NRP1: variants seen among roughly 807,000 people sequenced by gnomAD.
NRP1 encodes neuropilin-1.
Under a neutral mutation model 106.7 loss-of-function variants are expected in NRP1, and 35 were observed. The observed-to-expected ratio is 0.33, with a 90% CI of 0.25 to 0.43. The LOEUF (loss-of-function observed/expected upper bound fraction) is 0.43. Among genes scored for constraint, NRP1 ranks in the 20% least tolerant of loss-of-function variants. The pLI, the probability that NRP1 is intolerant of heterozygous loss-of-function variation, is 1.00. For missense variants in NRP1, 1,024 were observed against 1,170.4 expected (o/e 0.87, Z 1.83); for synonymous variants, 437 against 417.9 (o/e 1.05, Z -0.56).
Position 33,324,958 on chromosome 10 carries a change from T to C in NRP1, c.248+5750A>G, listed in dbSNP as rs75038934. On this transcript the variant is annotated intron_variant, in intron 2 of 16. Coordinates refer to ENST00000374867, the MANE Select transcript of NRP1 (RefSeq NM_003873.7). ...TACATACAGACTTCTAAGACTCTAG[T>C]TGAGTTTTACCTGATTTTGAAATGT... Among the ~76,000 whole-genome samples the C allele has an allele frequency of 2.7e-3, 418 of 152,258 alleles. 1 individual carries two copies. The highest frequency in any genetic ancestry group is 9.6e-3 in the African/African-American group (400 of 41,568).
chr10:33,322,446 T>G (rs902290521), intron 2 of NRP1, among the ~76,000 whole-genome samples: 1 of 152,160 alleles, frequency 6.6e-6, no homozygotes, highest in Non-Finnish European at 1.5e-5. Flanking sequence ...GGCAAGATTA[T>G]AGCTCACTGT....
intron 11 of NRP1, chr10:33,202,572 G>GGT (rs1837412680): frequency 4.2e-6 from 6 of 1,412,766 alleles, no homozygotes; most frequent in Non-Finnish European, 5.6e-6. Flanking sequence ...GTTATTGGGG[G>GGT]GGGGTCTGAA....
intron 2 of NRP1, among the ~76,000 whole-genome samples, chr10:33,295,427 A>T (rs930775326): frequency 2.0e-5 from 3 of 152,206 alleles, no homozygotes; most frequent in Admixed American, 6.5e-5. Context: ...TTCTTCCCAG[A>T]CCAGGTGCAG....
intron 6 of NRP1, among the ~76,000 whole-genome samples, chr10:33,227,252 C>T (rs1839746002): frequency 6.6e-6 from 1 of 152,184 alleles, no homozygotes; most frequent in Non-Finnish European, 1.5e-5. Flanking sequence ...TAAACTCACA[C>T]AATGGATAAT....
chr10:33,259,527 C>T (rs1453131117), intron 4 of NRP1, among the ~76,000 whole-genome samples: 3 of 151,896 alleles, frequency 2.0e-5, no homozygotes, highest in South Asian at 2.1e-4. Context: ...TGGACCGAAG[C>T]GCCGAGGAGA....
Position 33,247,203 on chromosome 10 carries a change from A to G in NRP1, c.981+6825T>C, listed in dbSNP as rs1841489238. Among the ~76,000 whole-genome samples the G allele has an allele frequency of 7.2e-5, 11 of 152,344 alleles. No individual in the cohort carries two copies. In the South Asian group the frequency reaches 2.3e-3, roughly 32 times the overall value. On this transcript the variant is annotated intron_variant, in intron 6 of 16. Coordinates refer to ENST00000374867, the MANE Select transcript of NRP1 (RefSeq NM_003873.7). ...ACAAATTCTTCAAATTGAATATGTC[A>G]GCACTCACTCATCCCACCTGAAATG...
chr10:33,265,165 C>T (rs1490500090), intron 3 of NRP1, among the ~76,000 whole-genome samples: 3 of 152,180 alleles, frequency 2.0e-5, no homozygotes, highest in East Asian at 1.9e-4. Context: ...CCCAAAACTG[C>T]CTTCTCTACC....
At chr10:33,181,095 G>T (rs12771906) in intron 16 of NRP1, among the ~76,000 whole-genome samples, 44,713 of 152,058 alleles carry the variant, frequency 0.29, 7,000 homozygotes, top group East Asian at 0.65. Context: ...CAGTCACTGG[G>T]GACTTGTTTT....
chr10:33,330,227 G>C (rs117796008), intron 2 of NRP1, among the ~76,000 whole-genome samples: 58 of 152,158 alleles, frequency 3.8e-4, no homozygotes, highest in Admixed American at 8.5e-4. Flanking sequence ...AACTTACTTA[G>C]TAAGATGAAT....
chr10:33,293,183 T>A (rs1845127732), intron 2 of NRP1, among the ~76,000 whole-genome samples: 1 of 152,240 alleles, frequency 6.6e-6, no homozygotes, highest in Admixed American at 6.5e-5. Context: ...TTTTTTCAGA[T>A]GAGGTAAGAA....
At chr10:33,280,062 C>A (rs1018877427) in intron 2 of NRP1, among the ~76,000 whole-genome samples, 6 of 152,032 alleles carry the variant, frequency 3.9e-5, no homozygotes, top group Admixed American at 3.9e-4. Context: ...CAGCTTAACT[C>A]AAAAATAAAT....
chr10:33,288,059 G>C (rs1390227576), intron 2 of NRP1, among the ~76,000 whole-genome samples: 1 of 152,128 alleles, frequency 6.6e-6, no homozygotes, highest in Non-Finnish European at 1.5e-5. Flanking sequence ...TTTGGTTAAA[G>C]TGAACTTTGA....
chr10:33,272,252 T>A (rs1386777265), intron 2 of NRP1, among the ~76,000 whole-genome samples: 1 of 152,250 alleles, frequency 6.6e-6, no homozygotes, highest in Non-Finnish European at 1.5e-5. Context: ...TAAAACTGTG[T>A]GCCAGCTTTG....
chr10:33,220,933 A>C (rs1839196944), intron 8 of NRP1, among the ~76,000 whole-genome samples: 1 of 151,308 alleles, frequency 6.6e-6, no homozygotes, highest in African/African-American at 2.4e-5. Flanking sequence ...AGAAAAACAA[A>C]TAAAAAGATA....
intron 12 of NRP1, among the ~76,000 whole-genome samples, chr10:33,197,049 C>T (rs1019257823): frequency 7.9e-5 from 12 of 152,142 alleles, no homozygotes; most frequent in East Asian, 1.9e-4. Context: ...GGAAGGCCAC[C>T]GTTTAACCGT....
At chr10:33,264,684 A>T (rs1347622214) in intron 3 of NRP1, among the ~76,000 whole-genome samples, 1 of 152,188 alleles carries the variant, frequency 6.6e-6, no homozygotes, top group Non-Finnish European at 1.5e-5. Context: ...AATTATGGTG[A>T]TTTGTCATTG....
At chr10:33,199,506 G>A (rs1837108948) in intron 11 of NRP1, among the ~76,000 whole-genome samples, 1 of 141,382 alleles carries the variant, frequency 7.1e-6, no homozygotes, top group Admixed American at 7.4e-5. Context: ...GCCTCCCAAA[G>A]TGCTGGTGTT....
intron 2 of NRP1, among the ~76,000 whole-genome samples, chr10:33,293,085 CAGGCTTCCGATT>C (rs1845119167): frequency 6.6e-6 from 1 of 152,020 alleles, no homozygotes; most frequent in Non-Finnish European, 1.5e-5. Flanking sequence ...TTTTAGAAGA[CAGGCTTCCGATT>C]TGTCTTGTTT....
At chr10:33,259,569 A>G (rs554554266) in intron 4 of NRP1, among the ~76,000 whole-genome samples, 1 of 152,340 alleles carries the variant, frequency 6.6e-6, no homozygotes, top group East Asian at 1.9e-4. Flanking sequence ...ACAGAAGTAT[A>G]ATTCAAAAAT....
Sources: gnomAD v4.1 joint callset for allele counts (sites outside exome capture counted in the v4.1 genomes callset) on GRCh38, gnomAD v4.1.1 for gene constraint, MANE v1.5 for transcripts, NCBI Gene and HGNC (gene_info 2026-07-23, HGNC 2026-07-21) for gene names.